TVP23C: variants seen among roughly 807,000 people sequenced by gnomAD.
The protein encoded by TVP23C is trans-golgi network vesicle protein 23 homolog C.
In TVP23C, 19 loss-of-function variants were observed where a neutral mutation model predicts 28.7. The observed-to-expected ratio is 0.66, with a 90% confidence interval of 0.46 to 0.97. The LOEUF is 0.97. Among genes scored for constraint, TVP23C ranks in the 50% least tolerant of loss-of-function variants. The pLI, the probability that TVP23C is intolerant of heterozygous loss-of-function variation, is 0.00. For missense variants in TVP23C, 186 were observed against 241.3 expected, an observed-to-expected ratio of 0.77 and a Z score of 1.52; for synonymous variants, 68 against 81.7, an observed-to-expected ratio of 0.83 and a Z score of 0.90.
chr17:15,502,665 G>T, exon 6 of TVP23C: 1 of 930,004 alleles, frequency 1.1e-6, no homozygotes, highest in Non-Finnish European at 1.5e-6. Flanking sequence ...CCTCTCTTCT[G>T]CCCTTTTCCC....
intron 5 of TVP23C, among the ~76,000 whole-genome samples, chr17:15,503,885 G>C (rs1263605534): frequency 6.6e-6 from 1 of 152,190 alleles, no homozygotes; most frequent in East Asian, 1.9e-4. Context: ...TCTAGGAGGA[G>C]TGGGTGTCAG....
At chr17:15,524,033 A>G (rs1274614943) in intron 5 of TVP23C, among the ~76,000 whole-genome samples, 1 of 151,534 alleles carries the variant, frequency 6.6e-6, no homozygotes, top group Non-Finnish European at 1.5e-5. Flanking sequence ...GAAGAACAAC[A>G]AAGTGTTTGT....
chr17:15,536,119 G>A (rs1343092354), downstream of TVP23C, among the ~76,000 whole-genome samples: 1 of 151,680 alleles, frequency 6.6e-6, no homozygotes, highest in Non-Finnish European at 1.5e-5. Context: ...GAACCCAGAG[G>A]GCAGAGGTTG....
intron 5 of TVP23C, among the ~76,000 whole-genome samples, chr17:15,510,486 C>T (rs1981952405): frequency 6.6e-6 from 1 of 152,070 alleles, no homozygotes; most frequent in Admixed American, 6.6e-5. Flanking sequence ...AAATACCAGA[C>T]GTTGGCCAGT....
At chr17:15,542,223 G>A (rs887427110) in intron 5 of TVP23C, among the ~76,000 whole-genome samples, 1 of 152,144 alleles carries the variant, frequency 6.6e-6, no homozygotes, top group African/African-American at 2.4e-5. Flanking sequence ...AAAAAATGCA[G>A]AAATAGCCAT....
chr17:15,534,605 ACACACACC>A (rs1338947475), downstream of TVP23C, among the ~76,000 whole-genome samples: 42 of 148,304 alleles, frequency 2.8e-4, no homozygotes, highest in Middle Eastern at 3.4e-3. Context: ...ACACACACAC[ACACACACC>A]CTTACCTATT....
At chr17:15,527,578 A>G (rs1982780730) in intron 5 of TVP23C, among the ~76,000 whole-genome samples, 1 of 152,154 alleles carries the variant, frequency 6.6e-6, no homozygotes, top group Admixed American at 6.6e-5. Context: ...TATACTGAAC[A>G]TTTTACATGA....
intron 5 of TVP23C, among the ~76,000 whole-genome samples, chr17:15,524,873 G>T (rs1444812209): frequency 6.6e-6 from 1 of 152,222 alleles, no homozygotes; most frequent in African/African-American, 2.4e-5. Context: ...CCTAAGAACA[G>T]ACACAGTGCA....
At chr17:15,507,086 G>C in intron 5 of TVP23C, 2 of 1,116,362 alleles carry the variant, frequency 1.8e-6, no homozygotes, top group Non-Finnish European at 2.7e-6. Flanking sequence ...AATGGCACTG[G>C]TGCCTCTACG....
intron 5 of TVP23C, among the ~76,000 whole-genome samples, chr17:15,518,269 C>A (rs956363520): frequency 2.0e-5 from 3 of 151,716 alleles, no homozygotes; most frequent in Non-Finnish European, 4.4e-5. Flanking sequence ...CAAGATCTAC[C>A]CAAATATAAG....
chr17:15,556,571 C>A (rs1314079470), intron 1 of TVP23C, among the ~76,000 whole-genome samples: 2 of 152,054 alleles, frequency 1.3e-5, no homozygotes, highest in Non-Finnish European at 2.9e-5. Context: ...ACCGTGTTAA[C>A]CAGGAGATTT....
chr17:15,531,906 T>G (rs532619915), intron 5 of TVP23C, among the ~76,000 whole-genome samples: 49 of 152,364 alleles, frequency 3.2e-4, no homozygotes, highest in Middle Eastern at 3.4e-3. Context: ...CACCCATCTT[T>G]GTAGAGTTTG....
At chr17:15,520,954 A>C (rs923509296) in intron 5 of TVP23C, among the ~76,000 whole-genome samples, 9 of 151,620 alleles carry the variant, frequency 5.9e-5, no homozygotes, top group East Asian at 1.9e-4. Flanking sequence ...ATGGCATAAA[A>C]TACTACTAAT....
Position 15,537,523 on chromosome 17 carries a change from C to T in TVP23C, c.*2889G>A. On this transcript the variant is annotated 3_prime_UTR_variant, in exon 6 of 6. Coordinates refer to ENST00000518321, the MANE Select transcript of TVP23C (RefSeq NM_001135036.2). Reference sequence around the variant, plus strand: ...TATTAACTGGGCCTTAAGTAGATAACTTCTTACAAACAAAAATAAAATTTT... The same window carrying T: ...TATTAACTGGGCCTTAAGTAGATAATTTCTTACAAACAAAAATAAAATTTT... The T allele has an allele frequency of 1.0e-6, 1 of 984,666 alleles. No homozygotes were observed. Among genetic ancestry groups the T allele is most frequent in the Non-Finnish European group, 1.2e-6 (1 of 829,268 alleles). 61.0% of individuals were successfully genotyped at this position (984,666 alleles called of 1,614,324 possible). A position where few individuals can be genotyped will look rare whatever the true frequency, so the allele number is the denominator to read the frequency against.
chr17:15,523,216 A>T (rs549010497), intron 5 of TVP23C, among the ~76,000 whole-genome samples: 7,783 of 151,318 alleles, frequency 0.051, 280 homozygotes, highest in South Asian at 0.082. Flanking sequence ...TGTTGCCCAG[A>T]CTGGTCTCGA....
At chr17:15,508,879 C>A (rs1447134334) in intron 5 of TVP23C, among the ~76,000 whole-genome samples, 1 of 152,152 alleles carries the variant, frequency 6.6e-6, no homozygotes, top group African/African-American at 2.4e-5. Context: ...TAGACAGCAC[C>A]CTGGTAAACT....
chr17:15,529,435 GAGT>G (rs1982863237), intron 5 of TVP23C, among the ~76,000 whole-genome samples: 1 of 152,038 alleles, frequency 6.6e-6, no homozygotes, highest in Non-Finnish European at 1.5e-5. Context: ...CTGGGTGATA[GAGT>G]GAGACTCTGT....
chr17:15,526,043 T>C (rs1016984185), intron 5 of TVP23C, among the ~76,000 whole-genome samples: 7 of 152,208 alleles, frequency 4.6e-5, no homozygotes, highest in African/African-American at 1.4e-4. Flanking sequence ...TTTAAACTCA[T>C]GTTTGTCTGC....
At chr17:15,515,566 CAG>C (rs1490521238) in intron 5 of TVP23C, among the ~76,000 whole-genome samples, 2 of 152,110 alleles carry the variant, frequency 1.3e-5, no homozygotes, top group Non-Finnish European at 2.9e-5. Context: ...ACTTTGGATT[CAG>C]AGGAGAGTGC....
Sources: gnomAD v4.1 joint callset for allele counts (sites outside exome capture counted in the v4.1 genomes callset) on GRCh38, gnomAD v4.1.1 for gene constraint, MANE v1.5 for transcripts, NCBI Gene and HGNC (gene_info 2026-07-23, HGNC 2026-07-21) for gene names.